ADAMTS5: variants seen among roughly 807,000 people sequenced by gnomAD.
ADAMTS5 encodes the protein A disintegrin and metalloproteinase with thrombospondin motifs 5.
ADAMTS5 carries 54 observed loss-of-function variants against 81.4 expected under a neutral mutation model. The observed-to-expected ratio is 0.66, with a 90% CI of 0.53 to 0.83. The LOEUF is 0.83. Among genes scored for constraint, ADAMTS5 ranks in the 40% least tolerant of loss-of-function variants. ADAMTS5 has a pLI of 0.00. For synonymous variants in ADAMTS5, 532 were observed against 508.8 expected (o/e 1.05, Z -0.61); for missense variants, 1,194 against 1,229.9 (o/e 0.97, Z 0.44).
In ADAMTS5 at chr21:26,922,863, A is replaced by G. The variant is rs1190481946; in HGVS notation, c.*1190T>C. ...TGTGGAAACAGTCTTATTAATATTAACCACTTTTTGGCATTAACCACATTA... is the reference window on the plus strand; with the variant it reads ...TGTGGAAACAGTCTTATTAATATTAGCCACTTTTTGGCATTAACCACATTA... On this transcript the variant is annotated 3_prime_UTR_variant, in exon 8 of 8. Coordinates refer to ENST00000284987, the MANE Select transcript of ADAMTS5 (RefSeq NM_007038.5). The G allele has an allele frequency of 1.3e-5, 2 of 152,604 alleles. No homozygotes were observed. The highest frequency in any genetic ancestry group is 4.8e-5 in the African/African-American group (2 of 41,454). 9.5% of individuals were successfully genotyped at this position (152,604 alleles called of 1,614,324 possible). A position where few individuals can be genotyped will look rare whatever the true frequency, so the allele number is the denominator to read the frequency against.
At chr21:26,941,596 T>C (rs1231502866) in intron 3 of ADAMTS5, among the ~76,000 whole-genome samples, 1 of 152,072 alleles carries the variant, frequency 6.6e-6, no homozygotes, top group Non-Finnish European at 1.5e-5. Context: ...TGACCTAATA[T>C]TTGCACAGGG....
Position 26,966,282 on chromosome 21 carries a change from G to A in ADAMTS5, c.110C>T (p.Ala37Val). 8 of 1,556,488 alleles carry A rather than the reference G, an allele frequency of 5.1e-6. No homozygotes were observed. The highest frequency in any genetic ancestry group is 6.9e-6 in the Non-Finnish European group (8 of 1,156,264). ...AQDKAGQPPTAAAAAQPRRRQ... is the reference protein window; with the variant it reads ...AQDKAGQPPTVAAAAQPRRRQ... ...CCGGCGGGGCTGGGCGGCTGCTGCA[G>A]CAGTCGGAGGCTGCCCGGCTTTATC... The change falls in exon 1 of 8, where the codon GCT (alanine) becomes GTT (valine). Residue 37 changes from alanine (A) to valine (V), a missense_variant. This residue lies in a region of ADAMTS5 where 498 missense variants were observed against 412.3 expected (regional missense o/e 1.21). Coordinates refer to ENST00000284987, the MANE Select transcript of ADAMTS5 (RefSeq NM_007038.5).
At chr21:26,931,852 A>G (rs1020246694) in intron 6 of ADAMTS5, 152 bp downstream of exon 6, 2 of 614,284 alleles carry the variant, frequency 3.3e-6, no homozygotes, top group Admixed American at 7.6e-5. Flanking sequence ...AAGTTTGAAA[A>G]TATAGAAGTT....
At position 26,966,288 on chromosome 21, in the gene ADAMTS5, G is replaced by T. The variant is rs537114850; in HGVS notation, c.104C>A (p.Pro35Gln). The T allele has an allele frequency of 8.4e-6, 13 of 1,551,596 alleles. No individual in the cohort carries two copies. The African/African-American group carries it at 1.4e-4, about 16-fold the overall frequency. Reference sequence around the variant, plus strand: ...GGGCTGGGCGGCTGCTGCAGCAGTCGGAGGCTGCCCGGCTTTATCCTGGGC... The same window carrying T: ...GGGCTGGGCGGCTGCTGCAGCAGTCTGAGGCTGCCCGGCTTTATCCTGGGC... Reference protein sequence around the residue: ...TPAQDKAGQPPTAAAAAQPRR... With the variant: ...TPAQDKAGQPQTAAAAAQPRR... The change falls in exon 1 of 8, where the codon CCG becomes CAG. Residue 35 changes from proline (P) to glutamine (Q), a missense_variant. Pro to Gln is a moderately conservative substitution (Grantham distance 76, BLOSUM62 -1). Transcript: ENST00000284987.
At position 26,921,441 on chromosome 21, in the gene ADAMTS5, G is replaced by A. The variant is rs1003261731; in HGVS notation, c.*2612C>T. ...CTTACAAACCTGAGCATTTTCAGAC[G>A]AATTCTTTTTTTTTTTTTTTTTTAA... On this transcript the variant is annotated 3_prime_UTR_variant, in exon 8 of 8. Coordinates refer to ENST00000284987, the MANE Select transcript of ADAMTS5 (RefSeq NM_007038.5). 2.1e-5 allele frequency: 3 copies of A among 142,118 alleles called. No homozygotes were observed. Among genetic ancestry groups the A allele is most frequent in the South Asian group, 4.5e-4 (2 of 4,404 alleles). 8.8% of individuals were successfully genotyped at this position (142,118 alleles called of 1,614,324 possible). A position where few individuals can be genotyped will look rare whatever the true frequency, so the allele number is the denominator to read the frequency against.
Position 26,920,425 on chromosome 21 carries a change from CA to C in ADAMTS5, c.*3627del, listed in dbSNP as rs1195037403. 4 of 152,150 alleles carry C rather than the reference CA, an allele frequency of 2.6e-5. No homozygotes were observed. In the East Asian group the frequency reaches 7.7e-4, roughly 29 times the overall value. 9.4% of individuals were successfully genotyped at this position (152,150 alleles called of 1,614,324 possible). On this transcript the variant is annotated 3_prime_UTR_variant, in exon 8 of 8. Transcript: ENST00000284987. ...AATGGACACCCCATATTTGTAGAAA[CA>C]GTTATGACTATTAGCATTTGTTATA...
intron 3 of ADAMTS5, among the ~76,000 whole-genome samples, chr21:26,941,429 G>A (rs1987112377): frequency 1.3e-5 from 2 of 151,990 alleles, no homozygotes; most frequent in Non-Finnish European, 2.9e-5. Flanking sequence ...AAAAATCAGA[G>A]CATAGACTCT....
At chr21:26,929,770 C>T (rs770821674) in intron 7 of ADAMTS5, 116 bp downstream of exon 7, 43 of 992,258 alleles carry the variant, frequency 4.3e-5, no homozygotes, top group South Asian at 4.1e-4. Flanking sequence ...TCTAGAGCCA[C>T]GTTAGACCTC....
In ADAMTS5 at chr21:26,934,458, T is replaced by C. The variant is rs758642321; in HGVS notation, c.1689+8A>G. On this transcript the variant is annotated splice_region_variant and intron_variant, in intron 4 of 7. Transcript: ENST00000284987. ...CTCCAGGCATTGACTGATGAGAAAA[T>C]CACTTACTGAATAATATTTTTTCTT... The C allele has an allele frequency of 6.2e-7, 1 of 1,613,908 alleles. No homozygotes were observed. The highest frequency in any genetic ancestry group is 8.5e-7 in the Non-Finnish European group (1 of 1,179,880).
intron 6 of ADAMTS5, 44 bp from the exon 7 acceptor site, chr21:26,930,105 A>G (rs775446066): frequency 1.3e-6 from 2 of 1,595,616 alleles, no homozygotes; most frequent in Non-Finnish European, 1.7e-6. Context: ...TGTTTGCATC[A>G]GTATTTGCTC....
In ADAMTS5 at chr21:26,922,393, ACT is replaced by A. The variant is rs1426679328; in HGVS notation, c.*1658_*1659del. 6.6e-6 allele frequency: 1 copy of A among 152,046 alleles called. No individual in the cohort carries two copies. The highest frequency in any genetic ancestry group is 2.4e-5 in the African/African-American group (1 of 41,424). The allele number at this position is 152,046 out of a possible 1,614,324, so 9.4% of individuals were successfully genotyped here. On this transcript the variant is annotated 3_prime_UTR_variant, in exon 8 of 8. Coordinates refer to ENST00000284987, the MANE Select transcript of ADAMTS5 (RefSeq NM_007038.5). ...TAAAAACATCTTATAATAAAAATAA[ACT>A]CTCATGAGCTTGTAGAACTCAAACA...
chr21:26,924,518 G>A lies in ADAMTS5; in HGVS notation c.2328C>T (p.Ala776=), dbSNP rs1435477482. The change falls in exon 8 of 8, where the codon GCC becomes GCT. Residue 776 remains alanine (A), a synonymous_variant. Transcript: ENST00000284987. ...GGTACTCACCGTTTTTCTTTTTCAGGGCTAAATAGGCAGTGAATCTAGTCT... is the reference window on the plus strand; with the variant it reads ...GGTACTCACCGTTTTTCTTTTTCAGAGCTAAATAGGCAGTGAATCTAGTCT... ...KDQTRFTAYL[A]LKKKNGEYLI... 6.2e-7 allele frequency: 1 copy of A among 1,613,942 alleles called. No individual in the cohort carries two copies. The highest frequency in any genetic ancestry group is 8.5e-7 in the Non-Finnish European group (1 of 1,180,018).
chr21:26,965,954 A>G lies in ADAMTS5; in HGVS notation c.438T>C (p.Phe146=), dbSNP rs764330706. Reference sequence around the variant, plus strand: ...AGCCGTCGAGACCCCCACAGAGGTCAAAGACAGCCAGAGAGCGGGGACTAC... The same window carrying G: ...AGCCGTCGAGACCCCCACAGAGGTCGAAGACAGCCAGAGAGCGGGGACTAC... ...VDGSPRSLAV[F]DLCGGLDGFF... Residue 146 remains phenylalanine (F), a synonymous_variant, in exon 1 of 8, where the codon TTT becomes TTC. Transcript: ENST00000284987. The G allele has an allele frequency of 6.2e-7, 1 of 1,613,574 alleles. No individual in the cohort carries two copies. The highest frequency in any genetic ancestry group is 2.2e-5 in the East Asian group (1 of 44,842).
In ADAMTS5 at chr21:26,924,317, T is replaced by C. The variant is rs1986763324; in HGVS notation, c.2529A>G (p.Leu843=). 1 of 1,614,230 alleles carries C rather than the reference T, an allele frequency of 6.2e-7. No individual in the cohort carries two copies. The highest frequency in any genetic ancestry group is 8.5e-7 in the Non-Finnish European group (1 of 1,180,042). The change falls in exon 8 of 8, where the codon TTA becomes TTG. Residue 843 remains leucine (L), a synonymous_variant. Coordinates refer to ENST00000284987, the MANE Select transcript of ADAMTS5 (RefSeq NM_007038.5). The part of the protein sequence containing the change: ...QILATDPTKP[L]DVRYSFFVPK... ...GAACAAAAAAGCTATAACGGACATC[T>C]AATGGTTTAGTGGGGTCTGTTGCAA...
chr21:26,930,218 T>A (rs766272281), intron 6 of ADAMTS5, among the ~76,000 whole-genome samples, 157 bp from the exon 7 acceptor site: 1 of 151,542 alleles, frequency 6.6e-6, no homozygotes, highest in Non-Finnish European at 1.5e-5. Flanking sequence ...TTTCCAGAAG[T>A]AGCTAACTGA....
chr21:26,932,812 C>T, intron 5 of ADAMTS5, 49 bp downstream of exon 5: 2 of 1,545,110 alleles, frequency 1.3e-6, no homozygotes, highest in Non-Finnish European at 8.7e-7. Context: ...TGCTAGAATA[C>T]AAATGACATG....
intron 3 of ADAMTS5, among the ~76,000 whole-genome samples, chr21:26,936,311 C>T (rs964578603): frequency 6.6e-6 from 1 of 152,190 alleles, no homozygotes; most frequent in Non-Finnish European, 1.5e-5. Flanking sequence ...CATAATGCTT[C>T]TCTTCTCACT....
rs749618249 is a variant in ADAMTS5 at position 26,930,074 on chromosome 21, A to G, written c.2050-13T>C. On this transcript the variant is annotated splice_polypyrimidine_tract_variant and intron_variant, in intron 6 of 7. Transcript: ENST00000284987. ...TGCCATCGGTCACCTGAATCATGGC[A>G]AATGCATTAGGAGTGGGAAATGTTT... 1 of 1,613,270 alleles carries G rather than the reference A, an allele frequency of 6.2e-7. No individual in the cohort carries two copies.
At chr21:26,927,721 A>T (rs1360935966) in intron 7 of ADAMTS5, among the ~76,000 whole-genome samples, 1 of 152,166 alleles carries the variant, frequency 6.6e-6, no homozygotes, top group Non-Finnish European at 1.5e-5. Flanking sequence ...GGTAATAGCC[A>T]TGGCTTCCCT....
Sources: gnomAD v4.1 joint callset for allele counts (sites outside exome capture counted in the v4.1 genomes callset) on GRCh38, gnomAD v4.1.1 for gene constraint, gnomAD v4.1.1 regional missense constraint, MANE v1.5 for transcripts, NCBI Gene and HGNC (gene_info 2026-07-23, HGNC 2026-07-21) for gene names.